Variants in PLCE1 observed in about 807,000 individuals in gnomAD.
PLCE1 encodes the protein 1-phosphatidylinositol 4,5-bisphosphate phosphodiesterase epsilon-1.
PLCE1 carries 119 observed loss-of-function variants against 242.8 expected under a neutral mutation model. The observed-to-expected ratio is 0.49, with a 90% CI of 0.42 to 0.57. The LOEUF is 0.57. PLCE1 is among the 20% of genes least tolerant of loss of function. PLCE1 has a pLI of 0.00. For synonymous variants in PLCE1, 945 were observed against 1,017.4 expected (o/e 0.93, Z 1.35); for missense variants, 2,441 against 2,788.8 (o/e 0.88, Z 2.81).
intron 1 of PLCE1, among the ~76,000 whole-genome samples, chr10:94,013,900 C>G (rs889835308): frequency 6.6e-6 from 1 of 152,154 alleles, no homozygotes; most frequent in East Asian, 1.9e-4. Context: ...GAAGAGGGCT[C>G]TTTCCCTACC....
intron 4 of PLCE1, among the ~76,000 whole-genome samples, chr10:94,210,463 A>C (rs2049297351): frequency 6.6e-6 from 1 of 152,088 alleles, no homozygotes; most frequent in Non-Finnish European, 1.5e-5. Context: ...TTAACTGACC[A>C]CCCTGAAGAA....
At chr10:94,254,744 T>C (rs1434889401) in intron 10 of PLCE1, 149 bp from the exon 11 acceptor site, 21 of 851,368 alleles carry the variant, frequency 2.5e-5, no homozygotes, top group South Asian at 2.4e-4. Flanking sequence ...GATTAGCCCA[T>C]TCATAAAGAT....
At chr10:94,015,210 G>T (rs1389748215) in intron 1 of PLCE1, among the ~76,000 whole-genome samples, 1 of 152,198 alleles carries the variant, frequency 6.6e-6, no homozygotes, top group African/African-American at 2.4e-5. Flanking sequence ...TATAGGGGCT[G>T]CTGTGTGCAA....
At position 94,012,578 on chromosome 10, in the gene PLCE1, G is replaced by C. The variant is rs79133106; in HGVS notation, c.-364-18105G>C. ...GCATCAGGCAGTCTCACCCTGGACG[G>C]TGCAGCTTCCTCATCACCTCACAGG... On this transcript the variant is annotated intron_variant, in intron 1 of 32. Coordinates refer to ENST00000371380, the MANE Select transcript of PLCE1 (RefSeq NM_016341.4). 5.0e-3 allele frequency among the ~76,000 whole-genome samples: 759 copies of C among 152,182 alleles called. 4 individuals carry two copies. Among genetic ancestry groups the C allele is most frequent in the Non-Finnish European group, 8.0e-3 (543 of 67,996 alleles).
rs533346197 is a variant in PLCE1, at chr10:94,254,388, G to A, written c.3397+81G>A. The A allele has an allele frequency of 7.3e-6, 7 of 964,108 alleles. No individual in the cohort carries two copies. In the African/African-American group the frequency reaches 9.6e-5, roughly 13 times the overall value. The allele number at this position is 964,108 out of a possible 1,614,324, so 59.7% of individuals were successfully genotyped here. A position where few individuals can be genotyped will look rare whatever the true frequency, so the allele number is the denominator to read the frequency against. ...AAGTATACATTTGGTTTTAAATTGT[G>A]ATTTAAGCATTGCAAACATTTCTAA... is the stretch of plus-strand genomic sequence containing the variant. On this transcript the variant is annotated intron_variant, in intron 10 of 32. Transcript: ENST00000371380.
At chr10:94,153,011 A>G (rs2047320087) in intron 3 of PLCE1, among the ~76,000 whole-genome samples, 1 of 152,192 alleles carries the variant, frequency 6.6e-6, no homozygotes, top group Admixed American at 6.5e-5. Flanking sequence ...GTTCAACATT[A>G]CTTTCAAAAT....
rs891527510 is a variant in PLCE1, at chr10:94,132,535, C to G, written c.1492+76C>G. 17 of 1,389,432 alleles carry G rather than the reference C, an allele frequency of 1.2e-5. No individual in the cohort carries two copies. The Admixed American group carries it at 1.7e-4, about 14-fold the overall frequency. The allele number at this position is 1,389,432 out of a possible 1,614,324, so 86.1% of individuals were successfully genotyped here. A position where few individuals can be genotyped will look rare whatever the true frequency, so the allele number is the denominator to read the frequency against. ...GATCTAAGTTAAGATTTATGTATCT[C>G]CTGATGGAAAATTAAGTTCACTTTT... On this transcript the variant is annotated intron_variant, in intron 3 of 32. Transcript: ENST00000371380.
rs548655036 is a variant in PLCE1 at position 94,270,579 on chromosome 10, C to A, written c.4483C>A (p.Arg1495=). The change falls in exon 18 of 33, where the codon CGA becomes AGA. Residue 1495 remains arginine, a synonymous_variant. Coordinates refer to ENST00000371380, the MANE Select transcript of PLCE1 (RefSeq NM_016341.4). ...GAACCACTGTTCATTGCCTCAGCAA[C>A]GAAAAATGGCAGAAATTTTCAAGGT... ...IENHCSLPQQ[R]KMAEIFKTVF... is the part of the protein sequence containing the mutation. 1 of 1,610,752 alleles carries A rather than the reference C, an allele frequency of 6.2e-7. No homozygotes were observed. Among genetic ancestry groups the A allele is most frequent in the Non-Finnish European group, 8.5e-7 (1 of 1,176,966 alleles).
intron 26 of PLCE1, among the ~76,000 whole-genome samples, chr10:94,307,524 A>C (rs553127093): frequency 6.6e-6 from 1 of 152,296 alleles, no homozygotes; most frequent in African/African-American, 2.4e-5. Flanking sequence ...CCATCATGGA[A>C]TACCACAGAC....
At chr10:94,312,477 T>C (rs2053417215) in intron 27 of PLCE1, among the ~76,000 whole-genome samples, 1 of 152,216 alleles carries the variant, frequency 6.6e-6, no homozygotes, top group Non-Finnish European at 1.5e-5. Flanking sequence ...TTACGTCAAT[T>C]TGGGGTTCTC....
chr10:94,051,286 C>CAAAAAAAA (rs869233995), intron 2 of PLCE1, among the ~76,000 whole-genome samples: 366 of 29,356 alleles, frequency 0.012, 69 homozygotes, highest in African/African-American at 0.023. Flanking sequence ...GACTCCAACT[C>CAAAAAAAA]AAAAAAAAAA....
chr10:94,238,246 C>T (rs2050386743), intron 7 of PLCE1, among the ~76,000 whole-genome samples: 1 of 152,298 alleles, frequency 6.6e-6, no homozygotes, highest in South Asian at 2.1e-4. Context: ...CATGGTGAAA[C>T]CTTGTCTCTA....
chr10:94,300,343 C>A (rs968853070), intron 24 of PLCE1, among the ~76,000 whole-genome samples: 11 of 152,212 alleles, frequency 7.2e-5, no homozygotes, highest in Non-Finnish European at 1.3e-4. Flanking sequence ...CCCTTAAAGG[C>A]TTTGCCTCTC....
intron 1 of PLCE1, among the ~76,000 whole-genome samples, chr10:94,011,827 G>A (rs921257278): frequency 6.6e-6 from 1 of 152,130 alleles, no homozygotes; most frequent in African/African-American, 2.4e-5. Context: ...AAAAGAAATG[G>A]AGGGACCTTC....
intron 2 of PLCE1, among the ~76,000 whole-genome samples, chr10:94,124,748 T>G (rs1335983909): frequency 1.3e-5 from 2 of 152,228 alleles, no homozygotes; most frequent in African/African-American, 2.4e-5. Flanking sequence ...CCATGATCCT[T>G]TCAAATGATC....
rs142486602 is a variant in PLCE1, at chr10:94,156,077, G to A, written c.1493-15103G>A. On this transcript the variant is annotated intron_variant, in intron 3 of 32. Transcript: ENST00000371380. ...GAATGTTCTGACATCTTGATGGGGT[G>A]TGATAATAATGCCACAGTGGAAGGG... Among the ~76,000 whole-genome samples, 278 of 152,306 alleles carry A rather than the reference G, an allele frequency of 1.8e-3. 1 individual carries two copies. Among genetic ancestry groups the A allele is most frequent in the Admixed American group, 2.3e-3 (35 of 15,302 alleles).
At chr10:94,245,661 A>G (rs898188535) in intron 7 of PLCE1, among the ~76,000 whole-genome samples, 2 of 152,088 alleles carry the variant, frequency 1.3e-5, no homozygotes, top group Admixed American at 1.3e-4. Context: ...TGATTTTTGT[A>G]TTTTTAGTAG....
intron 22 of PLCE1, among the ~76,000 whole-genome samples, chr10:94,286,212 G>T (rs1326476377): frequency 6.6e-5 from 10 of 152,188 alleles, no homozygotes; most frequent in Non-Finnish European, 1.5e-4. Context: ...ACTTGGCCTG[G>T]AGAGAGGCAC....
At chr10:94,048,086 C>T (rs1007043929) in intron 2 of PLCE1, among the ~76,000 whole-genome samples, 2 of 152,060 alleles carry the variant, frequency 1.3e-5, no homozygotes, top group Non-Finnish European at 2.9e-5. Flanking sequence ...TTCATTTATA[C>T]TTTTGTAGGT....
Sources: allele counts gnomAD v4.1 joint callset (sites outside exome capture counted in the v4.1 genomes callset), GRCh38; gene constraint gnomAD v4.1.1; transcripts MANE v1.5; gene names NCBI Gene and HGNC (gene_info 2026-07-23, HGNC 2026-07-21).